The following CD109 variants were observed in gnomAD, a reference collection of about 807,000 sequenced individuals.
CD109 encodes CD109 molecule.
Under a neutral mutation model 165.8 loss-of-function variants are expected in CD109, and 149 were observed. The ratio of observed to expected loss-of-function variants is 0.90; its 90% CI spans 0.79 to 1.03. The LOEUF is 1.03. CD109 is among the 50% of genes least tolerant of loss of function. CD109 has a pLI of 0.00. For synonymous variants in CD109, 585 were observed against 592.1 expected, an observed-to-expected ratio of 0.99 and a Z score of 0.18; for missense variants, 1,712 against 1,677.8, an observed-to-expected ratio of 1.02 and a Z score of -0.36.
At chr6:73,819,985 G>T (rs2917893) in intron 31 of CD109, among the ~76,000 whole-genome samples, 1 of 151,662 alleles carries the variant, frequency 6.6e-6, no homozygotes, top group African/African-American at 2.4e-5. Flanking sequence ...GGCCAAATCT[G>T]TCTCTCTTGG....
At chr6:73,757,398 G>T (rs1423651125) in intron 6 of CD109, among the ~76,000 whole-genome samples, 1 of 152,090 alleles carries the variant, frequency 6.6e-6, no homozygotes, top group Non-Finnish European at 1.5e-5. Flanking sequence ...ATATGTACAT[G>T]AATGTTGCTG....
At chr6:73,818,318 T>C (rs1289983163) in intron 30 of CD109, 70 bp from the exon 31 acceptor site, 1 of 1,519,424 alleles carries the variant, frequency 6.6e-7, no homozygotes, top group Non-Finnish European at 9.1e-7. Flanking sequence ...GATTTTTGTA[T>C]GAAGATAATT....
chr6:73,705,503 G>T (rs140779937), intron 2 of CD109, among the ~76,000 whole-genome samples: 1 of 152,116 alleles, frequency 6.6e-6, no homozygotes, highest in Non-Finnish European at 1.5e-5. Context: ...GTAGCTGGAC[G>T]TGGTGACATG....
chr6:73,794,615 G>T (rs757318252), intron 23 of CD109, among the ~76,000 whole-genome samples: 2 of 152,142 alleles, frequency 1.3e-5, no homozygotes, highest in Non-Finnish European at 2.9e-5. Flanking sequence ...AAGGGGTTGC[G>T]GGTCAGGAAC....
At chr6:73,781,836 C>CACACACACA (rs386359122) in intron 17 of CD109, among the ~76,000 whole-genome samples, 2 of 62,096 alleles carry the variant, frequency 3.2e-5, no homozygotes, top group South Asian at 3.8e-4. Context: ...CACACACACA[C>CACACACACA]CCCTCATCAA....
chr6:73,686,616 C>T, the CD109 span, among the ~76,000 whole-genome samples: 6 of 152,060 alleles, frequency 3.9e-5, no homozygotes, highest in Non-Finnish European at 5.9e-5. Flanking sequence ...AGCTATTAGC[C>T]ACATGTGGCT....
At chr6:73,815,194 G>C (rs1016385690) in intron 30 of CD109, 71 bp downstream of exon 30, 52 of 1,282,990 alleles carry the variant, frequency 4.1e-5, no homozygotes, top group Non-Finnish European at 4.9e-5. Context: ...ATTATGTATA[G>C]TTGTCTATAT....
At chr6:73,699,777 T>C (rs1001961531) in intron 2 of CD109, among the ~76,000 whole-genome samples, 1 of 152,120 alleles carries the variant, frequency 6.6e-6, no homozygotes, top group Non-Finnish European at 1.5e-5. Flanking sequence ...TCTATTGACA[T>C]AGAGTTTCAT....
intron 3 of CD109, among the ~76,000 whole-genome samples, chr6:73,724,713 A>G (rs1772073121): frequency 6.6e-6 from 1 of 150,804 alleles, no homozygotes; most frequent in South Asian, 2.1e-4. Context: ...TCCCAGGTTC[A>G]AGCAATCTTC....
intron 4 of CD109, among the ~76,000 whole-genome samples, chr6:73,735,178 C>G (rs1772498143): frequency 6.6e-6 from 1 of 152,136 alleles, no homozygotes; most frequent in Admixed American, 6.5e-5. Context: ...TTAGTAAGGG[C>G]CTTGTAAACT....
chr6:73,725,764 C>T (rs1023057042), intron 3 of CD109, among the ~76,000 whole-genome samples: 7 of 152,088 alleles, frequency 4.6e-5, no homozygotes, highest in African/African-American at 1.4e-4. Flanking sequence ...CCGCCTGCCT[C>T]GGCCTCCCAA....
rs1776265413 is a variant in CD109 at position 73,826,068 on chromosome 6, A to G, written c.*2435A>G. On this transcript the variant is annotated 3_prime_UTR_variant, in exon 33 of 33. Transcript: ENST00000287097. ...GAAGAGGACAACAATGAGAAGGAAC[A>G]TAAAGGGTTAGCTAGCACTGTCTCC... 6.6e-6 allele frequency: 1 copy of G among 152,192 alleles called. No individual in the cohort carries two copies. Among genetic ancestry groups the G allele is most frequent in the Non-Finnish European group, 1.5e-5 (1 of 68,040 alleles). The allele number at this position is 152,192 out of a possible 1,614,324, so 9.4% of individuals were successfully genotyped here.
intron 7 of CD109, among the ~76,000 whole-genome samples, chr6:73,761,949 A>G (rs113691268): frequency 2.3e-4 from 35 of 150,944 alleles, no homozygotes; most frequent in African/African-American, 8.5e-4. Context: ...CCCATAATGT[A>G]TTTTTTTTTA....
intron 22 of CD109, among the ~76,000 whole-genome samples, chr6:73,789,528 AC>A (rs1774837096): frequency 6.6e-6 from 1 of 151,396 alleles, no homozygotes; most frequent in Non-Finnish European, 1.5e-5. Flanking sequence ...AACTTGGCTC[AC>A]TGCAAGCTCT....
In CD109 at chr6:73,788,543, A is replaced by G. The variant is rs374778981; in HGVS notation, c.2632A>G (p.Lys878Glu). The G allele has an allele frequency of 1.2e-6, 2 of 1,613,312 alleles. No homozygotes were observed. Among genetic ancestry groups the G allele is most frequent in the Non-Finnish European group, 1.7e-6 (2 of 1,179,684 alleles). Residue 878 changes from lysine to glutamate, a missense_variant, in exon 22 of 33, where the codon AAA becomes GAA. Lys to Glu is a moderately conservative substitution (Grantham distance 56). Coordinates refer to ENST00000287097, the MANE Select transcript of CD109 (RefSeq NM_133493.5). ...TGACAATAGGCTACAGAGTACCCTG[A>G]AAACTTTGAGTTTCTCATTTCCTCC... ...LTDNRLQSTL[K>E]TLSFSFPPNT... is the part of the protein sequence containing the mutation.
chr6:73,753,547 G>GTGAAGT (rs1773274509), intron 5 of CD109, among the ~76,000 whole-genome samples: 1 of 152,136 alleles, frequency 6.6e-6, no homozygotes, highest in African/African-American at 2.4e-5. Context: ...TACCACATAT[G>GTGAAGT]AGCACCTTGG....
the CD109 span, among the ~76,000 whole-genome samples, chr6:73,690,128 T>TACC: frequency 6.6e-6 from 1 of 152,252 alleles, no homozygotes; most frequent in East Asian, 1.9e-4. Context: ...TTTTCTTGTA[T>TACC]TTCATTATGT....
intron 2 of CD109, among the ~76,000 whole-genome samples, chr6:73,702,207 T>A (rs1310512086): frequency 1.3e-5 from 2 of 152,212 alleles, no homozygotes; most frequent in Non-Finnish European, 2.9e-5. Flanking sequence ...ATCTATTTTT[T>A]CCTTTGTTGT....
At chr6:73,738,097 A>G (rs1174415681) in intron 5 of CD109, among the ~76,000 whole-genome samples, 1 of 152,234 alleles carries the variant, frequency 6.6e-6, no homozygotes, top group Admixed American at 6.5e-5. Flanking sequence ...ATTAAATGAC[A>G]TAAGGGGGAC....
Sources: gnomAD v4.1 joint callset for allele counts (sites outside exome capture counted in the v4.1 genomes callset) on GRCh38, gnomAD v4.1.1 for gene constraint, MANE v1.5 for transcripts, NCBI Gene and HGNC (gene_info 2026-07-23, HGNC 2026-07-21) for gene names.